The following C2CD3 variants were observed in gnomAD, a reference collection of about 807,000 sequenced individuals.
C2CD3 encodes the protein C2 domain containing 3 centriole elongation regulator, also known as C2 domain-containing protein 3.
C2CD3 carries 148 observed loss-of-function variants against 234.0 expected under a neutral mutation model. That is an observed-to-expected ratio of 0.63 (90% CI 0.55 to 0.72). C2CD3 has a LOEUF of 0.72. Among genes scored for constraint, C2CD3 ranks in the 30% least tolerant of loss-of-function variants. C2CD3 has a pLI of 0.00. For synonymous variants in C2CD3, 1,000 were observed against 1,035.4 expected, an observed-to-expected ratio of 0.97 and a Z score of 0.66; for missense variants, 2,577 against 2,811.5, an observed-to-expected ratio of 0.92 and a Z score of 1.89.
chr11:74,128,129 C>A (rs1048484932), intron 7 of C2CD3, among the ~76,000 whole-genome samples: 4 of 152,200 alleles, frequency 2.6e-5, no homozygotes, highest in Admixed American at 1.3e-4. Context: ...TCCCAAAGTG[C>A]CGGGATCACA....
rs772456320 is a variant in C2CD3 at position 74,103,209 on chromosome 11, A to G, written c.2502T>C (p.Cys834=). The G allele has an allele frequency of 1.2e-6, 2 of 1,614,120 alleles. No homozygotes were observed. Reference sequence around the variant, plus strand: ...TGACTTCCTCTGTGCTGAAGAGTTTACAATTTAAATAAACATTGCATGGTG... The same window carrying G: ...TGACTTCCTCTGTGCTGAAGAGTTTGCAATTTAAATAAACATTGCATGGTG... The part of the protein sequence containing the change: ...KQSPCNVYLN[C]KLFSTEEVTR... The change falls in exon 14 of 33, where the codon TGT becomes TGC. Residue 834 remains cysteine (C), a synonymous_variant. Transcript: ENST00000334126.
chr11:74,042,813 A>G (rs1953138526), intron 28 of C2CD3, among the ~76,000 whole-genome samples: 1 of 152,054 alleles, frequency 6.6e-6, no homozygotes, highest in South Asian at 2.1e-4. Context: ...TAACAAGAGC[A>G]ACAATAACAA....
At chr11:74,140,520 C>T (rs991072930) in intron 3 of C2CD3, among the ~76,000 whole-genome samples, 3 of 152,168 alleles carry the variant, frequency 2.0e-5, no homozygotes, top group Non-Finnish European at 4.4e-5. Context: ...ACAAGGCCAT[C>T]AGGAAAGTAT....
chr11:74,148,833 T>G (rs749068601), intron 3 of C2CD3, among the ~76,000 whole-genome samples: 9 of 152,186 alleles, frequency 5.9e-5, no homozygotes, highest in Non-Finnish European at 1.2e-4. Flanking sequence ...CCATGGTTAG[T>G]CAACTCAATA....
chr11:74,170,719 C>G lies in C2CD3; in HGVS notation c.55+19G>C. 1.2e-6 allele frequency: 2 copies of G among 1,614,180 alleles called. No homozygotes were observed. The highest frequency in any genetic ancestry group is 1.7e-6 in the Non-Finnish European group (2 of 1,180,028). On this transcript the variant is annotated intron_variant, in intron 1 of 32. Coordinates refer to ENST00000334126, the MANE Select transcript of C2CD3 (RefSeq NM_001286577.2). ...GCTCTCCTATTACGCTTTCCTCAATCTTTGATCGCTCAGGTTACCTCTTTT... is the reference window on the plus strand; with the variant it reads ...GCTCTCCTATTACGCTTTCCTCAATGTTTGATCGCTCAGGTTACCTCTTTT...
At chr11:74,102,803 A>G (rs1956361941) in intron 14 of C2CD3, among the ~76,000 whole-genome samples, 1 of 152,238 alleles carries the variant, frequency 6.6e-6, no homozygotes, top group African/African-American at 2.4e-5. Flanking sequence ...AAAGTAATAA[A>G]GAAGGAGAGA....
chr11:74,163,134 A>C lies in C2CD3; in HGVS notation c.326-1578T>G, dbSNP rs1856582107. 2.6e-5 allele frequency among the ~76,000 whole-genome samples: 4 copies of C among 152,286 alleles called. No homozygotes were observed. The South Asian group carries it at 8.3e-4, about 32-fold the overall frequency. ...AAATGGTTCGTTTTCAGCATTTGTT[A>C]ATACTGTAGTGAAAAGCATGTAGGA... On this transcript the variant is annotated intron_variant, in intron 2 of 32. Coordinates refer to ENST00000334126, the MANE Select transcript of C2CD3 (RefSeq NM_001286577.2).
intron 8 of C2CD3, among the ~76,000 whole-genome samples, chr11:74,118,924 T>TC (rs1339140546): frequency 1.3e-5 from 2 of 151,492 alleles, no homozygotes; most frequent in African/African-American, 4.9e-5. Context: ...TTTTTTTTTT[T>TC]TGAGACAGGG....
intron 2 of C2CD3, among the ~76,000 whole-genome samples, chr11:74,161,858 C>T (rs1345867472): frequency 6.7e-6 from 1 of 150,086 alleles, no homozygotes; most frequent in Non-Finnish European, 1.5e-5. Context: ...CTCTGTCGCC[C>T]AGGCTGGAGT....
At chr11:74,044,746 A>C (rs55793503) in intron 28 of C2CD3, among the ~76,000 whole-genome samples, 15,481 of 151,640 alleles carry the variant, frequency 0.1, 2,041 homozygotes, top group African/African-American at 0.31. Context: ...TCTTTTGTTG[A>C]CTTTTTTATG....
At chr11:74,127,930 T>C (rs1471585069) in intron 7 of C2CD3, among the ~76,000 whole-genome samples, 1 of 151,960 alleles carries the variant, frequency 6.6e-6, no homozygotes, top group Non-Finnish European at 1.5e-5. Context: ...TGGCGCGATC[T>C]CGGCTCACTG....
At chr11:74,022,123 C>T (rs1329929315) in intron 32 of C2CD3, among the ~76,000 whole-genome samples, 3 of 150,242 alleles carry the variant, frequency 2.0e-5, no homozygotes, top group African/African-American at 4.9e-5. Flanking sequence ...GATTCCGTCT[C>T]GGGGAAAAAA....
chr11:74,036,616 G>T, intron 30 of C2CD3: 1 of 424,208 alleles, frequency 2.4e-6, no homozygotes, highest in Non-Finnish European at 4.7e-6. Flanking sequence ...GCAAAAACAA[G>T]TGAGGGCTGA....
At chr11:74,117,047 TGTATATATATATGAATATATATATATGA>T (rs1463045209) in intron 9 of C2CD3, among the ~76,000 whole-genome samples, 19 of 86,062 alleles carry the variant, frequency 2.2e-4, no homozygotes, top group African/African-American at 7.1e-4. Flanking sequence ...TACGTGTGTG[TGTATATATATATGAATATATATATATGA>T]ATATATATAT....
chr11:74,126,930 A>C (rs548854921), intron 7 of C2CD3, among the ~76,000 whole-genome samples: 2 of 152,276 alleles, frequency 1.3e-5, no homozygotes, highest in Non-Finnish European at 2.9e-5. Flanking sequence ...GGAACTATTA[A>C]TCTATTTTCT....
At chr11:74,014,763 C>T (rs928177129) in intron 32 of C2CD3, among the ~76,000 whole-genome samples, 1 of 152,168 alleles carries the variant, frequency 6.6e-6, no homozygotes, top group Non-Finnish European at 1.5e-5. Context: ...AGTCAGGCAT[C>T]CCTGATCTAC....
chr11:74,118,757 A>G (rs1957111163), intron 8 of C2CD3, among the ~76,000 whole-genome samples: 1 of 152,208 alleles, frequency 6.6e-6, no homozygotes, highest in Non-Finnish European at 1.5e-5. Flanking sequence ...CAAGTGAGAA[A>G]ATCAGAGCTG....
At chr11:74,111,007 T>C (rs938098984) in intron 11 of C2CD3, among the ~76,000 whole-genome samples, 1 of 152,160 alleles carries the variant, frequency 6.6e-6, no homozygotes, top group Non-Finnish European at 1.5e-5. Context: ...CAGAAAAATG[T>C]AGAGAAGATC....
Position 74,144,722 on chromosome 11 carries a change from C to T in C2CD3, c.484-4894G>A, listed in dbSNP as rs553947844. ...TGTGGTGCTTGGTTTTCTGTTCCTG[C>T]GTTAGTTTGCTAGGGATAATGGCCT... On this transcript the variant is annotated intron_variant, in intron 3 of 32. Transcript: ENST00000334126. Among the ~76,000 whole-genome samples, 27 of 152,204 alleles carry T rather than the reference C, an allele frequency of 1.8e-4. 1 individual carries two copies. The highest frequency in any genetic ancestry group is 6.8e-3 in the Middle Eastern group (2 of 294).
Sources: gnomAD v4.1 joint callset for allele counts (sites outside exome capture counted in the v4.1 genomes callset) on GRCh38, gnomAD v4.1.1 for gene constraint, MANE v1.5 for transcripts, NCBI Gene and HGNC (gene_info 2026-07-23, HGNC 2026-07-21) for gene names.